Variants in KCNK2 observed in about 807,000 individuals in gnomAD.
KCNK2 encodes the protein potassium channel subfamily K member 2.
In KCNK2, 21 loss-of-function variants were observed where a neutral mutation model predicts 40.5. The observed-to-expected ratio is 0.52, with a 90% confidence interval of 0.37 to 0.75. KCNK2 has a LOEUF of 0.75. KCNK2 is among the 30% of genes least tolerant of loss of function. KCNK2 has a pLI of 0.00. For missense variants in KCNK2, 399 were observed against 531.6 expected, an observed-to-expected ratio of 0.75 and a Z score of 2.45; for synonymous variants, 191 against 202.2, an observed-to-expected ratio of 0.94 and a Z score of 0.47.
chr1:215,150,747 C>T (rs1157553064), intron 3 of KCNK2, among the ~76,000 whole-genome samples: 1 of 151,818 alleles, frequency 6.6e-6, no homozygotes, highest in East Asian at 1.9e-4. Context: ...TATTCATCTT[C>T]CAATTTTCTT....
chr1:215,175,664 T>A (rs759769393), intron 5 of KCNK2, among the ~76,000 whole-genome samples: 2 of 152,066 alleles, frequency 1.3e-5, no homozygotes, highest in Non-Finnish European at 2.9e-5. Flanking sequence ...CTTCCCACTC[T>A]AGTGGTCCCC....
chr1:215,193,718 G>A (rs963458704), intron 5 of KCNK2, among the ~76,000 whole-genome samples: 1 of 151,976 alleles, frequency 6.6e-6, no homozygotes, highest in African/African-American at 2.4e-5. Context: ...CGAATACACA[G>A]GACTTATCTC....
chr1:215,177,568 T>C (rs1163402922), intron 5 of KCNK2, among the ~76,000 whole-genome samples: 2 of 151,472 alleles, frequency 1.3e-5, no homozygotes, highest in Non-Finnish European at 2.9e-5. Context: ...CATCCTTCTT[T>C]ATATGCTAGC....
chr1:215,198,103 T>C (rs958863730), intron 6 of KCNK2, among the ~76,000 whole-genome samples: 1 of 152,232 alleles, frequency 6.6e-6, no homozygotes, highest in African/African-American at 2.4e-5. Context: ...AGGTGTAGCA[T>C]TGTGTTTTCA....
At chr1:215,134,595 T>C (rs1661818028) in intron 3 of KCNK2, among the ~76,000 whole-genome samples, 1 of 152,184 alleles carries the variant, frequency 6.6e-6, no homozygotes, top group Non-Finnish European at 1.5e-5. Flanking sequence ...CAGTCTCCAG[T>C]TCTTCTCACC....
At chr1:215,053,143 C>G (rs1267798053) in intron 1 of KCNK2, among the ~76,000 whole-genome samples, 1 of 151,976 alleles carries the variant, frequency 6.6e-6, no homozygotes, top group Non-Finnish European at 1.5e-5. Context: ...CAGGTTAGTT[C>G]AGCCATTTAA....
chr1:215,177,371 T>G (rs1365904898), intron 5 of KCNK2, among the ~76,000 whole-genome samples: 1 of 152,160 alleles, frequency 6.6e-6, no homozygotes, highest in African/African-American at 2.4e-5. Flanking sequence ...AGGTCCTATT[T>G]GTCAATTTTT....
intron 3 of KCNK2, among the ~76,000 whole-genome samples, chr1:215,139,725 A>T (rs1369311440): frequency 6.6e-6 from 1 of 152,136 alleles, no homozygotes; most frequent in Non-Finnish European, 1.5e-5. Context: ...GGAGGTTCAA[A>T]AAAAAAGTAT....
chr1:215,111,072 G>A (rs1387169651), intron 2 of KCNK2, among the ~76,000 whole-genome samples: 1 of 152,092 alleles, frequency 6.6e-6, no homozygotes, highest in Non-Finnish European at 1.5e-5. Flanking sequence ...ATGTCATATA[G>A]TTGGAATTAT....
In KCNK2 at chr1:215,083,103, G is replaced by A. The variant is rs1168329867; in HGVS notation, c.-283G>A. 2 of 486,768 alleles carry A rather than the reference G, an allele frequency of 4.1e-6. No homozygotes were observed. The highest frequency in any genetic ancestry group is 3.6e-5 in the South Asian group (1 of 27,730). 30.2% of individuals were successfully genotyped at this position (486,768 alleles called of 1,614,324 possible). A position where few individuals can be genotyped will look rare whatever the true frequency, so the allele number is the denominator to read the frequency against. Reference sequence around the variant, plus strand: ...CCCGGCAGCAGGCGCGCGCGGGGGCGGCGGCGCCCAAGCCCAACTTGGCCT... The same window carrying A: ...CCCGGCAGCAGGCGCGCGCGGGGGCAGCGGCGCCCAAGCCCAACTTGGCCT... On this transcript the variant is annotated 5_prime_UTR_variant, in exon 1 of 7. Transcript: ENST00000444842.
intron 2 of KCNK2, among the ~76,000 whole-genome samples, chr1:215,110,318 T>C (rs1660623977): frequency 6.6e-6 from 1 of 152,104 alleles, no homozygotes; most frequent in Non-Finnish European, 1.5e-5. Context: ...TTTCACTGTG[T>C]TTTCTTCTAG....
At chr1:215,127,319 G>C (rs995723802) in intron 3 of KCNK2, among the ~76,000 whole-genome samples, 1 of 152,066 alleles carries the variant, frequency 6.6e-6, no homozygotes, top group African/African-American at 2.4e-5. Flanking sequence ...GCCCAAGGAA[G>C]TTATACAAAA....
chr1:215,223,686 A>G (rs1213705839), intron 6 of KCNK2, among the ~76,000 whole-genome samples: 1 of 152,194 alleles, frequency 6.6e-6, no homozygotes, highest in East Asian at 1.9e-4. Context: ...ATCACACCAC[A>G]TACTTCTATT....
At chr1:215,066,443 A>G (rs1658547336) in intron 1 of KCNK2, among the ~76,000 whole-genome samples, 1 of 151,076 alleles carries the variant, frequency 6.6e-6, no homozygotes, top group Non-Finnish European at 1.5e-5. Flanking sequence ...GAGAAATACT[A>G]TTTAATAAAG....
intron 3 of KCNK2, among the ~76,000 whole-genome samples, chr1:215,137,888 A>G (rs974247460): frequency 6.6e-6 from 1 of 152,292 alleles, no homozygotes; most frequent in Admixed American, 6.5e-5. Flanking sequence ...TTTATGAACT[A>G]TTGGAAGACA....
chr1:215,132,539 GC>G (rs1440480492), intron 3 of KCNK2, among the ~76,000 whole-genome samples: 1 of 152,132 alleles, frequency 6.6e-6, no homozygotes, highest in Admixed American at 6.5e-5. Context: ...TTTTCTTTAT[GC>G]AAGCTCGTGA....
intron 2 of KCNK2, among the ~76,000 whole-genome samples, chr1:215,088,229 T>C (rs1659538762): frequency 6.6e-6 from 1 of 152,184 alleles, no homozygotes; most frequent in African/African-American, 2.4e-5. Context: ...CTTGGATATC[T>C]TGGTGGAGGC....
rs542926338 is a variant in KCNK2, at chr1:215,094,071, G to C, written c.357+7393G>C. Among the ~76,000 whole-genome samples, 58 of 147,926 alleles carry C rather than the reference G, an allele frequency of 3.9e-4. No homozygotes were observed. The East Asian group carries it at 9.9e-3, about 25-fold the overall frequency. On this transcript the variant is annotated intron_variant, in intron 2 of 6. Coordinates refer to ENST00000444842, the MANE Select transcript of KCNK2 (RefSeq NM_001017425.3). ...ACCAACCTAATACAATGATTTGGTG[G>C]CTGTCATTCTGATTTGTGTAAGCAC... is the stretch of plus-strand genomic sequence containing the variant.
At position 215,086,555 on chromosome 1, in the gene KCNK2, C is replaced by A. The variant is rs760836142; in HGVS notation, c.234C>A (p.Thr78=). The A allele has an allele frequency of 6.2e-7, 1 of 1,614,016 alleles. No homozygotes were observed. Among genetic ancestry groups the A allele is most frequent in the Non-Finnish European group, 8.5e-7 (1 of 1,180,020 alleles). Residue 78 remains threonine, a synonymous_variant, in exon 2 of 7, where the codon ACC becomes ACA. Transcript: ENST00000444842. The part of the protein sequence containing the change: ...VVVLYLIIGA[T]VFKALEQPHE... ...TCCTCTATCTGATCATCGGAGCCAC[C>A]GTGTTCAAAGCATTGGAGCAGCCTC...
Sources: gnomAD v4.1 joint callset for allele counts (sites outside exome capture counted in the v4.1 genomes callset) on GRCh38, gnomAD v4.1.1 for gene constraint, MANE v1.5 for transcripts, NCBI Gene and HGNC (gene_info 2026-07-23, HGNC 2026-07-21) for gene names.